The following CDKAL1 variants were observed in gnomAD, a reference collection of about 807,000 sequenced individuals.
CDKAL1 encodes the protein threonylcarbamoyladenosine tRNA methylthiotransferase.
CDKAL1 carries 32 observed loss-of-function variants against 68.2 expected under a neutral mutation model. The ratio of observed to expected loss-of-function variants is 0.47; its 90% CI spans 0.35 to 0.63. The LOEUF (loss-of-function observed/expected upper bound fraction) is 0.63, where lower values mean the gene tolerates loss of function less well. CDKAL1 is among the 30% of genes least tolerant of loss of function. The probability of loss-of-function intolerance (pLI) is 0.00; values close to 1 mark genes in which losing one functional copy is unlikely to be tolerated. For synonymous variants in CDKAL1, 234 were observed against 244.3 expected (o/e 0.96, Z 0.39); for missense variants, 606 against 696.7 (o/e 0.87, Z 1.47).
rs1300531820 is a variant in CDKAL1, at chr6:21,011,383, CAAAAA to C, written c.1055+11017_1055+11021del. On this transcript the variant is annotated intron_variant, in intron 11 of 15. Transcript: ENST00000274695. ...TGGGTAATAGAGCGAGACTCTGTCT[CAAAAA>C]AAAAAGAAAAAGATCTGACCAATTT... is the stretch of plus-strand genomic sequence containing the variant. 5.6e-5 allele frequency among the ~76,000 whole-genome samples: 8 copies of C among 141,638 alleles called. No individual in the cohort carries two copies. The South Asian group carries it at 6.7e-4, about 12-fold the overall frequency. 92.9% of individuals were successfully genotyped at this position (141,638 alleles called of 152,430 possible). A position where few individuals can be genotyped will look rare whatever the true frequency, so the allele number is the denominator to read the frequency against.
At chr6:20,845,816 A>C (rs1383406733) in intron 8 of CDKAL1, among the ~76,000 whole-genome samples, 1 of 152,196 alleles carries the variant, frequency 6.6e-6, no homozygotes, top group South Asian at 2.1e-4. Context: ...TCTTCCTCAT[A>C]GATTTGTGCA....
chr6:20,569,511 A>G (rs1350333054), intron 4 of CDKAL1, among the ~76,000 whole-genome samples: 1 of 152,148 alleles, frequency 6.6e-6, no homozygotes, highest in Non-Finnish European at 1.5e-5. Flanking sequence ...GTTAGATTTC[A>G]TTATTGGTGT....
chr6:21,081,713 A>G (rs1293622908), intron 12 of CDKAL1, among the ~76,000 whole-genome samples: 1 of 151,650 alleles, frequency 6.6e-6, no homozygotes, highest in African/African-American at 2.4e-5. Flanking sequence ...CTGGGACTAC[A>G]GGTGCCCGCC....
At chr6:20,557,482 G>T (rs1445241314) in intron 4 of CDKAL1, among the ~76,000 whole-genome samples, 3 of 152,126 alleles carry the variant, frequency 2.0e-5, no homozygotes, top group African/African-American at 7.2e-5. Context: ...AACTATTTCT[G>T]CTGATCTGTA....
chr6:20,937,983 T>G (rs1763800306), intron 9 of CDKAL1, among the ~76,000 whole-genome samples: 1 of 152,170 alleles, frequency 6.6e-6, no homozygotes, highest in South Asian at 2.1e-4. Flanking sequence ...CTGACAATTA[T>G]TACTTGTGGT....
chr6:21,202,665 G>C (rs1468015251), intron 15 of CDKAL1, among the ~76,000 whole-genome samples: 2 of 152,192 alleles, frequency 1.3e-5, no homozygotes, highest in South Asian at 2.1e-4. Flanking sequence ...ACTCTGCCTG[G>C]TTTAATTCCT....
chr6:20,838,550 C>T (rs951928513), intron 8 of CDKAL1, among the ~76,000 whole-genome samples: 5 of 152,130 alleles, frequency 3.3e-5, no homozygotes, highest in East Asian at 1.9e-4. Context: ...TTATGGTTGA[C>T]GGAATTTCAT....
chr6:20,885,135 A>G (rs1253273227), intron 9 of CDKAL1, among the ~76,000 whole-genome samples: 2 of 152,214 alleles, frequency 1.3e-5, no homozygotes, highest in Non-Finnish European at 2.9e-5. Flanking sequence ...CAAAATTCCA[A>G]CAGCACTCCC....
chr6:20,885,316 A>C (rs539453158), intron 9 of CDKAL1, among the ~76,000 whole-genome samples: 2 of 152,328 alleles, frequency 1.3e-5, no homozygotes, highest in South Asian at 4.1e-4. Context: ...CTTGCATAGG[A>C]ATAGACATAT....
chr6:20,886,771 CAG>C (rs1761087974), intron 9 of CDKAL1, among the ~76,000 whole-genome samples: 1 of 152,078 alleles, frequency 6.6e-6, no homozygotes, highest in South Asian at 2.1e-4. Flanking sequence ...TTAATGGATA[CAG>C]AGTTTCTGTT....
chr6:20,829,892 T>G (rs1291518676), intron 8 of CDKAL1, among the ~76,000 whole-genome samples: 1 of 152,256 alleles, frequency 6.6e-6, no homozygotes, highest in African/African-American at 2.4e-5. Context: ...TATTATTTTT[T>G]GAGACGGAGT....
intron 11 of CDKAL1, among the ~76,000 whole-genome samples, chr6:21,004,496 A>G (rs1036717737): frequency 6.6e-6 from 1 of 152,238 alleles, no homozygotes; most frequent in African/African-American, 2.4e-5. Flanking sequence ...ATGAGCAATC[A>G]TATGACTTAA....
At chr6:21,223,307 A>G (rs1779604025) in intron 15 of CDKAL1, among the ~76,000 whole-genome samples, 1 of 152,170 alleles carries the variant, frequency 6.6e-6, no homozygotes, top group African/African-American at 2.4e-5. Context: ...TTCACCATTT[A>G]TACTATCAGA....
chr6:20,965,558 A>G (rs1410049308), intron 10 of CDKAL1, among the ~76,000 whole-genome samples: 1 of 152,222 alleles, frequency 6.6e-6, no homozygotes, highest in East Asian at 1.9e-4. Flanking sequence ...ACTCTAACAT[A>G]CTTGAAAAAC....
At chr6:20,558,171 G>A (rs926751551) in intron 4 of CDKAL1, among the ~76,000 whole-genome samples, 1 of 152,154 alleles carries the variant, frequency 6.6e-6, no homozygotes, top group Non-Finnish European at 1.5e-5. Context: ...AGTAGAAATA[G>A]ACATTTTTTA....
chr6:20,732,211 A>C (rs1255831604), intron 5 of CDKAL1, among the ~76,000 whole-genome samples: 1 of 145,896 alleles, frequency 6.9e-6, no homozygotes, highest in Admixed American at 6.8e-5. Context: ...TTGCCTGGCT[A>C]TGAGAACCAT....
intron 4 of CDKAL1, among the ~76,000 whole-genome samples, chr6:20,587,838 G>A (rs1765438931): frequency 6.6e-6 from 1 of 152,106 alleles, no homozygotes; most frequent in African/African-American, 2.4e-5. Flanking sequence ...GCTCATGCTT[G>A]TAATCCCAGC....
At chr6:21,121,526 T>A (rs943855009) in intron 13 of CDKAL1, among the ~76,000 whole-genome samples, 1 of 152,214 alleles carries the variant, frequency 6.6e-6, no homozygotes, top group Non-Finnish European at 1.5e-5. Flanking sequence ...TTAGAATCGA[T>A]GAAATTTGCT....
At chr6:20,718,702 A>G (rs1772204587) in intron 5 of CDKAL1, among the ~76,000 whole-genome samples, 1 of 152,210 alleles carries the variant, frequency 6.6e-6, no homozygotes, top group Non-Finnish European at 1.5e-5. Context: ...CCTTGTTCTT[A>G]TGTTTTTCTT....
Sources: allele counts gnomAD v4.1 joint callset (sites outside exome capture counted in the v4.1 genomes callset), GRCh38; gene constraint gnomAD v4.1.1; transcripts MANE v1.5; gene names NCBI Gene and HGNC (gene_info 2026-07-23, HGNC 2026-07-21).